Variants in ULK4 observed in about 807,000 individuals in gnomAD.
ULK4 encodes inactive serine/threonine-protein kinase ULK4.
In ULK4, 133 loss-of-function variants were observed where a neutral mutation model predicts 160.6. That is an observed-to-expected ratio of 0.83 (90% CI 0.72 to 0.96). The LOEUF (loss-of-function observed/expected upper bound fraction) is 0.96. ULK4 is among the 40% of genes least tolerant of loss of function. The pLI, the probability that ULK4 is intolerant of heterozygous loss-of-function variation, is 0.00. For synonymous variants in ULK4, 534 were observed against 539.8 expected, an observed-to-expected ratio of 0.99 and a Z score of 0.15; for missense variants, 1,580 against 1,499.5, an observed-to-expected ratio of 1.05 and a Z score of -0.89.
At chr3:41,821,264 G>C (rs1315144283) in intron 18 of ULK4, among the ~76,000 whole-genome samples, 3 of 152,146 alleles carry the variant, frequency 2.0e-5, no homozygotes, top group Non-Finnish European at 4.4e-5. Flanking sequence ...TGGGCCCTTA[G>C]AGAAGGTGGC....
intron 27 of ULK4, among the ~76,000 whole-genome samples, chr3:41,701,345 C>G (rs1255668817): frequency 6.6e-6 from 1 of 152,124 alleles, no homozygotes; most frequent in Non-Finnish European, 1.5e-5. Flanking sequence ...ACCCAAGGGA[C>G]AAAAACAGAG....
chr3:41,640,119 G>A (rs1271898308), intron 30 of ULK4, among the ~76,000 whole-genome samples: 3 of 152,092 alleles, frequency 2.0e-5, no homozygotes, highest in Non-Finnish European at 1.5e-5. Context: ...ATGGGCAATG[G>A]CGTCCTTATC....
rs531638984 is a variant in ULK4, at chr3:41,858,412, A to G, written c.1657-22441T>C. Among the ~76,000 whole-genome samples the G allele has an allele frequency of 5.9e-5, 9 of 151,882 alleles. 1 individual carries two copies. The highest frequency in any genetic ancestry group is 1.9e-4 in the African/African-American group (8 of 41,452). Reference sequence around the variant, plus strand: ...AGTGATCCACCTGCCTCGGCCTCCCAGAGTACTGGAATTACAGGCATGAGC... The same window carrying G: ...AGTGATCCACCTGCCTCGGCCTCCCGGAGTACTGGAATTACAGGCATGAGC... On this transcript the variant is annotated intron_variant, in intron 17 of 36. Transcript: ENST00000301831.
intron 20 of ULK4, among the ~76,000 whole-genome samples, chr3:41,791,337 C>T (rs1232543135): frequency 6.6e-6 from 1 of 152,112 alleles, no homozygotes; most frequent in Non-Finnish European, 1.5e-5. Flanking sequence ...ACCATGTTGG[C>T]CAGGTTGGTC....
chr3:41,893,951 T>C (rs1698062360), intron 16 of ULK4, among the ~76,000 whole-genome samples: 4 of 152,196 alleles, frequency 2.6e-5, no homozygotes, highest in Admixed American at 2.6e-4. Flanking sequence ...GAAGTGGCTT[T>C]GAATGGAGAA....
chr3:41,764,655 T>A (rs1418321487), intron 21 of ULK4, among the ~76,000 whole-genome samples: 1 of 152,234 alleles, frequency 6.6e-6, no homozygotes, highest in Non-Finnish European at 1.5e-5. Context: ...TGCACTTGAA[T>A]AAATGGAGTG....
At chr3:41,546,053 C>T (rs73830230) in intron 32 of ULK4, among the ~76,000 whole-genome samples, 4,943 of 152,136 alleles carry the variant, frequency 0.032, 260 homozygotes, top group African/African-American at 0.11. Flanking sequence ...AAAATTCTGA[C>T]CTGTTAATTC....
chr3:41,659,836 G>A (rs1370222524), intron 30 of ULK4, among the ~76,000 whole-genome samples: 1 of 152,058 alleles, frequency 6.6e-6, no homozygotes, highest in Admixed American at 6.6e-5. Context: ...TTAGACACTA[G>A]AAAAGTTATA....
At chr3:41,315,873 AAGAC>A (rs2080134849) in intron 35 of ULK4, among the ~76,000 whole-genome samples, 4 of 152,336 alleles carry the variant, frequency 2.6e-5, no homozygotes, top group Admixed American at 1.3e-4. Flanking sequence ...CACAACCAAA[AAGAC>A]AAACAGTAAC....
chr3:41,398,351 G>A, intron 34 of ULK4, 87 bp from the exon 35 acceptor site: 1 of 1,369,698 alleles, frequency 7.3e-7, no homozygotes, highest in Non-Finnish European at 1.0e-6. Context: ...GGCTTGATGG[G>A]GGTGTCAGCC....
At chr3:41,560,313 T>A (rs1425627030) in intron 32 of ULK4, among the ~76,000 whole-genome samples, 1 of 152,214 alleles carries the variant, frequency 6.6e-6, no homozygotes, top group African/African-American at 2.4e-5. Flanking sequence ...TCCAGCTTTG[T>A]TCTTTTGGCT....
chr3:41,802,698 G>C (rs945216750), intron 19 of ULK4, among the ~76,000 whole-genome samples: 1 of 152,108 alleles, frequency 6.6e-6, no homozygotes, highest in Non-Finnish European at 1.5e-5. Context: ...GCTAGAAGGA[G>C]AATACTAGAT....
chr3:41,715,398 A>G (rs1331457836), intron 24 of ULK4, 49 bp downstream of exon 24: 5 of 1,613,278 alleles, frequency 3.1e-6, no homozygotes, highest in East Asian at 2.2e-5. Flanking sequence ...TCCAGTTTAC[A>G]AAGAGAAGAG....
chr3:41,831,813 T>G (rs1410827128), intron 18 of ULK4, among the ~76,000 whole-genome samples: 1 of 152,084 alleles, frequency 6.6e-6, no homozygotes. Flanking sequence ...GGTTTTCTGT[T>G]CCTGTGTTAG....
intron 30 of ULK4, among the ~76,000 whole-genome samples, chr3:41,635,290 AGATG>A (rs757622617): frequency 3.2e-4 from 48 of 152,250 alleles, no homozygotes; most frequent in Non-Finnish European, 6.2e-4. Context: ...GAAAACCTTA[AGATG>A]GATTATGGAT....
At chr3:41,658,731 A>ACACACACACACACACACTCT (rs374067670) in intron 30 of ULK4, among the ~76,000 whole-genome samples, 6 of 135,242 alleles carry the variant, frequency 4.4e-5, no homozygotes, top group African/African-American at 1.6e-4. Flanking sequence ...AAAACAGTAC[A>ACACACACACACACACACTCT]CACACACACA....
intron 32 of ULK4, among the ~76,000 whole-genome samples, chr3:41,518,039 C>G (rs1017959094): frequency 6.6e-6 from 1 of 152,170 alleles, no homozygotes. Context: ...AGGAAATCTT[C>G]TGCATATGGT....
intron 8 of ULK4, among the ~76,000 whole-genome samples, 197 bp downstream of exon 8, chr3:41,915,780 A>G (rs1027680860): frequency 6.6e-6 from 1 of 152,240 alleles, no homozygotes; most frequent in Non-Finnish European, 1.5e-5. Flanking sequence ...AACTGAGAGA[A>G]AAACTTTTAA....
At chr3:41,327,740 C>T (rs1031411165) in intron 35 of ULK4, among the ~76,000 whole-genome samples, 11 of 152,100 alleles carry the variant, frequency 7.2e-5, no homozygotes, top group South Asian at 6.2e-4. Flanking sequence ...ATTTATGCGG[C>T]GCCATCCTGC....
Sources: allele counts gnomAD v4.1 joint callset (sites outside exome capture counted in the v4.1 genomes callset), GRCh38; gene constraint gnomAD v4.1.1; transcripts MANE v1.5; gene names NCBI Gene and HGNC (gene_info 2026-07-23, HGNC 2026-07-21).